IL5: variants seen among roughly 807,000 people sequenced by gnomAD.
IL5 encodes interleukin-5.
Under a neutral mutation model 16.3 loss-of-function variants are expected in IL5, and 12 were observed. The observed-to-expected ratio is 0.74, with a 90% CI of 0.47 to 1.20. The LOEUF (loss-of-function observed/expected upper bound fraction) is 1.20, where lower values mean the gene tolerates loss of function less well. Ranked by LOEUF, IL5 falls within the 50% of genes most tolerant of loss-of-function variation. The pLI, the probability that IL5 is intolerant of heterozygous loss-of-function variation, is 0.00. For missense variants in IL5, 159 were observed against 153.9 expected (o/e 1.03, Z -0.17); for synonymous variants, 54 against 56.6 (o/e 0.95, Z 0.21).
chr5:132,555,254 G>A (rs940324116), intron 1 of IL5, among the ~76,000 whole-genome samples: 8 of 152,148 alleles, frequency 5.3e-5, no homozygotes, highest in African/African-American at 1.9e-4. Flanking sequence ...CAACATGGAT[G>A]AACCTTGAGG....
At chr5:132,551,355 G>A (rs1247587402) in intron 1 of IL5, among the ~76,000 whole-genome samples, 5 of 152,188 alleles carry the variant, frequency 3.3e-5, no homozygotes, top group African/African-American at 9.7e-5. Flanking sequence ...ATACATAGCA[G>A]GTCCTAGAAT....
chr5:132,555,584 C>T (rs1448925721), intron 1 of IL5, among the ~76,000 whole-genome samples: 2 of 152,166 alleles, frequency 1.3e-5, no homozygotes, highest in East Asian at 3.8e-4. Flanking sequence ...GGTGCGGTCT[C>T]GGCTCACTGC....
upstream of IL5, among the ~76,000 whole-genome samples, chr5:132,544,858 T>G (rs1487588415): frequency 1.3e-5 from 2 of 152,154 alleles, no homozygotes; most frequent in Non-Finnish European, 2.9e-5. Context: ...TGCAGTTGTG[T>G]AGGAGAAGTA....
intron 1 of IL5, among the ~76,000 whole-genome samples, chr5:132,554,294 G>C (rs1202911018): frequency 1.3e-5 from 2 of 151,252 alleles, no homozygotes; most frequent in African/African-American, 4.9e-5. Context: ...TTGAACGCGG[G>C]AGGTGGAGGT....
intron 1 of IL5, among the ~76,000 whole-genome samples, chr5:132,550,219 T>G (rs566923626): frequency 6.6e-6 from 1 of 152,326 alleles, no homozygotes; most frequent in Non-Finnish European, 1.5e-5. Context: ...CTGTGTAAAA[T>G]TTTAAAAATT....
At chr5:132,543,311 T>G (rs758195556) in intron 1 of IL5, 24 bp downstream of exon 1, 2 of 1,602,212 alleles carry the variant, frequency 1.2e-6, no homozygotes, top group Non-Finnish European at 1.7e-6. Flanking sequence ...CTTTACAGAC[T>G]GTAGGAATCA....
chr5:132,553,575 T>A (rs983301368), intron 1 of IL5, among the ~76,000 whole-genome samples: 1 of 152,204 alleles, frequency 6.6e-6, no homozygotes, highest in Non-Finnish European at 1.5e-5. Flanking sequence ...CAGTGGTAAG[T>A]AAAGTAAAGT....
chr5:132,545,649 T>C (rs894181242), upstream of IL5, among the ~76,000 whole-genome samples: 9 of 152,128 alleles, frequency 5.9e-5, no homozygotes, highest in Admixed American at 3.9e-4. Context: ...CATGAAACTA[T>C]AGCATGCATG....
chr5:132,541,832 G>A lies in IL5; in HGVS notation c.384C>T (p.Thr128=), dbSNP rs2069818. 27 of 1,611,608 alleles carry A rather than the reference G, an allele frequency of 1.7e-5. No homozygotes were observed. The highest frequency in any genetic ancestry group is 7.7e-5 in the South Asian group (7 of 90,934). The change falls in exon 4 of 4, where the codon ACC becomes ACT. Residue 128 remains threonine (T), a synonymous_variant. Coordinates refer to ENST00000231454, the MANE Select transcript of IL5 (RefSeq NM_000879.3). ...AGTCTCAACTTTCTATTATCCACTCGGTGTTCATTACACCAAGAAACTCTT... is the reference window on the plus strand; with the variant it reads ...AGTCTCAACTTTCTATTATCCACTCAGTGTTCATTACACCAAGAAACTCTT... The part of the protein sequence containing the change: ...YLQEFLGVMN[T]EWIIES
chr5:132,543,023 A>G, intron 2 of IL5, 71 bp downstream of exon 2: 1 of 1,147,998 alleles, frequency 8.7e-7, no homozygotes, highest in South Asian at 1.3e-5. Context: ...ATGATAACTA[A>G]TGATTTACAG....
At chr5:132,550,573 C>T (rs561621395) in intron 1 of IL5, among the ~76,000 whole-genome samples, 72 of 152,260 alleles carry the variant, frequency 4.7e-4, no homozygotes, top group Non-Finnish European at 8.5e-4. Context: ...CTGCCCATCT[C>T]GGCCTCCCAA....
chr5:132,554,072 TA>T (rs1188495383), intron 1 of IL5, among the ~76,000 whole-genome samples: 2 of 149,148 alleles, frequency 1.3e-5, no homozygotes, highest in Admixed American at 6.7e-5. Context: ...AAATCTGACT[TA>T]AAAAATGGTC....
intron 1 of IL5, among the ~76,000 whole-genome samples, chr5:132,555,116 A>G (rs1749952837): frequency 6.6e-6 from 1 of 152,104 alleles, no homozygotes. Context: ...TAATGCCCCC[A>G]CTGATCTGAG....
At chr5:132,552,343 CATA>C (rs1749897624) in intron 1 of IL5, among the ~76,000 whole-genome samples, 1 of 152,104 alleles carries the variant, frequency 6.6e-6, no homozygotes, top group African/African-American at 2.4e-5. Context: ...AACAGTATCT[CATA>C]GTAGTTTTAT....
At chr5:132,542,822 CAG>C (rs1332425637) in intron 2 of IL5, among the ~76,000 whole-genome samples, 1 of 152,202 alleles carries the variant, frequency 6.6e-6, no homozygotes, top group Admixed American at 6.5e-5. Flanking sequence ...ACCTCTCACT[CAG>C]TGTGGAATCC....
upstream of IL5, among the ~76,000 whole-genome samples, chr5:132,548,514 A>G (rs1749829621): frequency 6.6e-6 from 1 of 152,228 alleles, no homozygotes. Context: ...ACGTTATTTC[A>G]TTATACTGTT....
chr5:132,543,142 A>G lies in IL5; in HGVS notation c.145-16T>C. On this transcript the variant is annotated splice_polypyrimidine_tract_variant and intron_variant, in intron 1 of 3. Transcript: ENST00000231454. ...TCCTCAGAGTCTGGAGAGGAAAGGA[A>G]ATACAATCATTTTTACAGCACACCA... 1 of 1,604,962 alleles carries G rather than the reference A, an allele frequency of 6.2e-7. No individual in the cohort carries two copies. The highest frequency in any genetic ancestry group is 2.2e-5 in the East Asian group (1 of 44,828).
upstream of IL5, among the ~76,000 whole-genome samples, chr5:132,548,204 TGG>T (rs751073910): frequency 1.3e-5 from 2 of 150,804 alleles, no homozygotes; most frequent in Non-Finnish European, 2.9e-5. Context: ...AAGACTAGCC[TGG>T]GCAACATAGT....
rs1019717611 is a variant in IL5 at position 132,541,594 on chromosome 5, G to A, written c.*217C>T. The A allele has an allele frequency of 4.5e-6, 2 of 440,886 alleles. No homozygotes were observed. Among genetic ancestry groups the A allele is most frequent in the African/African-American group, 4.1e-5 (2 of 48,952 alleles). 27.3% of individuals were successfully genotyped at this position (440,886 alleles called of 1,614,324 possible). Reference sequence around the variant, plus strand: ...AATAAGAAAAAAGTATATCAATTTTGCCTGGAGGAAAATACTTCAATGATT... The same window carrying A: ...AATAAGAAAAAAGTATATCAATTTTACCTGGAGGAAAATACTTCAATGATT... On this transcript the variant is annotated 3_prime_UTR_variant, in exon 4 of 4. Transcript: ENST00000231454.
Sources: gnomAD v4.1 joint callset for allele counts (sites outside exome capture counted in the v4.1 genomes callset) on GRCh38, gnomAD v4.1.1 for gene constraint, MANE v1.5 for transcripts, NCBI Gene and HGNC (gene_info 2026-07-23, HGNC 2026-07-21) for gene names.